The following NDUFAB1 variants were observed in gnomAD, a reference collection of about 807,000 sequenced individuals.
The protein encoded by NDUFAB1 is NADH:ubiquinone oxidoreductase subunit AB1, also known as acyl carrier protein, mitochondrial.
Under a neutral mutation model 16.1 loss-of-function variants are expected in NDUFAB1, and 5 were observed. That is an observed-to-expected ratio of 0.31 (90% CI 0.16 to 0.65). The LOEUF is 0.65. Among genes scored for constraint, NDUFAB1 ranks in the 30% least tolerant of loss-of-function variants. The pLI is 0.77. For missense variants in NDUFAB1, 187 were observed against 205.3 expected (o/e 0.91, Z 0.54); for synonymous variants, 85 against 78.4 (o/e 1.08, Z -0.44).
At chr16:23,587,689 G>T (rs922907504) in intron 1 of NDUFAB1, among the ~76,000 whole-genome samples, 2 of 152,258 alleles carry the variant, frequency 1.3e-5, no homozygotes, top group Admixed American at 1.3e-4. Flanking sequence ...TCTACAGGGT[G>T]CTGCCACCTT....
At chr16:23,595,885 T>C (rs1966321086) in intron 1 of NDUFAB1, among the ~76,000 whole-genome samples, 1 of 152,232 alleles carries the variant, frequency 6.6e-6, no homozygotes, top group Non-Finnish European at 1.5e-5. Context: ...AAAGTTTCGG[T>C]AAGCGGCAGC....
chr16:23,585,297 T>C (rs1465392406), intron 3 of NDUFAB1, 39 bp downstream of exon 3: 5 of 1,428,100 alleles, frequency 3.5e-6, no homozygotes, highest in African/African-American at 1.4e-5. Context: ...TCCACCTTAA[T>C]CAAAAATCGC....
intron 3 of NDUFAB1, among the ~76,000 whole-genome samples, chr16:23,583,462 G>A (rs1363032690): frequency 1.2e-4 from 18 of 150,658 alleles, no homozygotes; most frequent in Admixed American, 1.1e-3. Flanking sequence ...GTCTCTGCCC[G>A]GCCACCCATC....
At chr16:23,585,289 C>T (rs1453569063) in intron 3 of NDUFAB1, 47 bp downstream of exon 3, 3 of 1,360,746 alleles carry the variant, frequency 2.2e-6, no homozygotes, top group African/African-American at 1.4e-5. Flanking sequence ...CAGTTTAATC[C>T]ACCTTAATCA....
chr16:23,584,255 TAAAAAAAAAA>T (rs58853102), intron 3 of NDUFAB1, among the ~76,000 whole-genome samples: 2 of 34,064 alleles, frequency 5.9e-5, no homozygotes, highest in Admixed American at 2.7e-4. Flanking sequence ...AATGATCAAT[TAAAAAAAAAA>T]AAAAAAAAAG....
intron 2 of NDUFAB1, among the ~76,000 whole-genome samples, chr16:23,586,601 G>C (rs1210876196): frequency 6.6e-6 from 1 of 152,072 alleles, no homozygotes; most frequent in Admixed American, 6.6e-5. Context: ...CCAAAGTGCT[G>C]GGATTACAGG....
At chr16:23,590,690 G>A (rs953711276) in intron 1 of NDUFAB1, among the ~76,000 whole-genome samples, 2 of 148,128 alleles carry the variant, frequency 1.4e-5, no homozygotes, top group African/African-American at 5.1e-5. Flanking sequence ...AGGCTGGAGT[G>A]CAGTGTTGTG....
chr16:23,591,043 T>C (rs1769159817), intron 1 of NDUFAB1: 1 of 152,140 alleles, frequency 6.6e-6, no homozygotes, highest in Admixed American at 6.6e-5. Context: ...ATCACCCTCC[T>C]TTTTACAGAT....
At chr16:23,589,059 G>A (rs1025152844) in intron 1 of NDUFAB1, among the ~76,000 whole-genome samples, 7 of 152,082 alleles carry the variant, frequency 4.6e-5, no homozygotes, top group African/African-American at 1.7e-4. Flanking sequence ...CCACACTTTG[G>A]GAAGCCGAAG....
rs372761353 is a variant in NDUFAB1, at chr16:23,594,409, G to A, written c.168+1714C>T. 5.3e-5 allele frequency among the ~76,000 whole-genome samples: 8 copies of A among 152,140 alleles called. No homozygotes were observed. The South Asian group carries it at 1.4e-3, about 28-fold the overall frequency. On this transcript the variant is annotated intron_variant, in intron 1 of 4. Transcript: ENST00000007516. ...GGTCTGCCTCCCAGACTGGAGTGCA[G>A]TGGCATCATCTCAGCTCCCTAAAAC...
intron 1 of NDUFAB1, among the ~76,000 whole-genome samples, chr16:23,593,795 AAATC>A (rs1367461063): frequency 1.3e-5 from 2 of 152,222 alleles, no homozygotes; most frequent in East Asian, 3.8e-4. Context: ...CCCAATGTTG[AAATC>A]AATCTTAGGA....
In NDUFAB1 at chr16:23,587,332, C is replaced by T. The variant is rs748934240; in HGVS notation, c.169-13G>A. On this transcript the variant is annotated splice_polypyrimidine_tract_variant and intron_variant, in intron 1 of 4. Transcript: ENST00000007516. ...CTCTACCAGGAACCTAGAGCGACGG[C>T]AGGAAGGAAACACTGTCATTGAATG... The T allele has an allele frequency of 6.2e-7, 1 of 1,612,266 alleles. No individual in the cohort carries two copies. Among genetic ancestry groups the T allele is most frequent in the Admixed American group, 1.7e-5 (1 of 59,612 alleles).
In NDUFAB1 at chr16:23,591,578, T is replaced by C. The variant is rs115207694; in HGVS notation, c.169-4259A>G. On this transcript the variant is annotated intron_variant, in intron 1 of 4. Transcript: ENST00000007516. ...AGACCTCTGTTCCTTCTCCGCCACC[T>C]GGGGCTTATTCCTTCAATAAGCCCT... Among the ~76,000 whole-genome samples, 427 of 152,346 alleles carry C rather than the reference T, an allele frequency of 2.8e-3. 2 individuals are homozygous for C. Among genetic ancestry groups the C allele is most frequent in the African/African-American group, 9.9e-3 (411 of 41,586 alleles).
intron 3 of NDUFAB1, among the ~76,000 whole-genome samples, chr16:23,584,008 T>A (rs944009605): frequency 6.6e-6 from 1 of 151,670 alleles, no homozygotes; most frequent in Non-Finnish European, 1.5e-5. Flanking sequence ...CAGGGTTAAA[T>A]GGATTAAGGG....
chr16:23,593,622 G>A (rs1276026157), intron 1 of NDUFAB1, among the ~76,000 whole-genome samples: 5 of 152,156 alleles, frequency 3.3e-5, no homozygotes, highest in African/African-American at 1.2e-4. Context: ...CATGGTCCAA[G>A]GAACACCCGC....
chr16:23,595,133 C>T (rs957615311), intron 1 of NDUFAB1, among the ~76,000 whole-genome samples: 7 of 151,878 alleles, frequency 4.6e-5, no homozygotes, highest in African/African-American at 1.7e-4. Flanking sequence ...CGCCTGTAGT[C>T]CCAAATACTC....
At chr16:23,589,710 G>T (rs59790418) in intron 1 of NDUFAB1, among the ~76,000 whole-genome samples, 2 of 151,630 alleles carry the variant, frequency 1.3e-5, no homozygotes, top group Non-Finnish European at 2.9e-5. Context: ...CAAGGTGGGC[G>T]GATCTCTTGA....
chr16:23,587,456 C>A, intron 1 of NDUFAB1, 137 bp from the exon 2 acceptor site: 16 of 1,076,444 alleles, frequency 1.5e-5, no homozygotes, highest in Non-Finnish European at 1.9e-5. Flanking sequence ...TTGTGGCCAC[C>A]AGGACACACT....
At chr16:23,593,849 C>CTTATTTATTTA (rs1555507878) in intron 1 of NDUFAB1, among the ~76,000 whole-genome samples, 2 of 143,520 alleles carry the variant, frequency 1.4e-5, no homozygotes, top group Non-Finnish European at 3.0e-5. Context: ...CTTTTTAACC[C>CTTATTTATTTA]TTATTTATTT....
Sources: allele counts gnomAD v4.1 joint callset (sites outside exome capture counted in the v4.1 genomes callset), GRCh38; gene constraint gnomAD v4.1.1; transcripts MANE v1.5; gene names NCBI Gene and HGNC (gene_info 2026-07-23, HGNC 2026-07-21).